Variants in LRRTM4 observed in about 807,000 individuals in gnomAD.
The protein encoded by LRRTM4 is leucine rich repeat transmembrane neuronal 4.
Under a neutral mutation model 47.6 loss-of-function variants are expected in LRRTM4, and 25 were observed. That is an observed-to-expected ratio of 0.53 (90% CI 0.38 to 0.73). The LOEUF is 0.73. Among genes scored for constraint, LRRTM4 ranks in the 30% least tolerant of loss-of-function variants. The pLI, the probability that LRRTM4 is intolerant of heterozygous loss-of-function variation, is 0.00. For missense variants in LRRTM4, 638 were observed against 713.4 expected, an observed-to-expected ratio of 0.89 and a Z score of 1.20; for synonymous variants, 311 against 269.5, an observed-to-expected ratio of 1.15 and a Z score of -1.51.
At chr2:77,350,000 T>C (rs1671699783) in intron 3 of LRRTM4, among the ~76,000 whole-genome samples, 1 of 152,066 alleles carries the variant, frequency 6.6e-6, no homozygotes, top group Non-Finnish European at 1.5e-5. Context: ...ACTTCAACTT[T>C]TTCACTCGTA....
chr2:76,936,227 G>C (rs1226037370), intron 3 of LRRTM4, among the ~76,000 whole-genome samples: 1 of 152,070 alleles, frequency 6.6e-6, no homozygotes, highest in African/African-American at 2.4e-5. Flanking sequence ...AGAAAATATG[G>C]TGCATATATA....
intron 3 of LRRTM4, among the ~76,000 whole-genome samples, chr2:77,029,082 A>ATATATATAATATATATATG (rs1678560820): frequency 6.9e-6 from 1 of 144,800 alleles, no homozygotes; most frequent in South Asian, 2.1e-4. Flanking sequence ...ATATATATAT[A>ATATATATAATATATATATG]TTATATATAT....
At chr2:77,208,670 G>T (rs749028827) in intron 3 of LRRTM4, among the ~76,000 whole-genome samples, 1 of 152,070 alleles carries the variant, frequency 6.6e-6, no homozygotes, top group Non-Finnish European at 1.5e-5. Context: ...TGAGTCAGGG[G>T]ACTTGGGGAA....
At chr2:76,899,262 T>C (rs1289998699) in intron 3 of LRRTM4, among the ~76,000 whole-genome samples, 1 of 150,366 alleles carries the variant, frequency 6.7e-6, no homozygotes, top group Non-Finnish European at 1.5e-5. Flanking sequence ...CAAAAACACC[T>C]GCCCTCATGA....
chr2:77,232,476 T>C (rs1300840205), intron 3 of LRRTM4, among the ~76,000 whole-genome samples: 1 of 152,230 alleles, frequency 6.6e-6, no homozygotes, highest in African/African-American at 2.4e-5. Flanking sequence ...TTTGCTAGAC[T>C]GGGCTTCTTA....
intron 3 of LRRTM4, among the ~76,000 whole-genome samples, chr2:76,859,955 C>T (rs955299442): frequency 3.6e-4 from 55 of 152,048 alleles, no homozygotes; most frequent in African/African-American, 1.4e-4. Context: ...ATTATAGCCC[C>T]TAGAATGCAT....
intron 3 of LRRTM4, among the ~76,000 whole-genome samples, chr2:77,185,181 G>A (rs559587564): frequency 2.6e-5 from 4 of 152,242 alleles, no homozygotes; most frequent in South Asian, 2.1e-4. Flanking sequence ...CAGCTCAGCT[G>A]CAGCAAGCTT....
chr2:77,338,762 T>C (rs1462050956), intron 3 of LRRTM4, among the ~76,000 whole-genome samples: 1 of 151,830 alleles, frequency 6.6e-6, no homozygotes, highest in Non-Finnish European at 1.5e-5. Context: ...TATACCCAAA[T>C]GAAAATAAAT....
intron 3 of LRRTM4, among the ~76,000 whole-genome samples, chr2:76,844,438 A>G (rs377518219): frequency 6.6e-6 from 1 of 152,170 alleles, no homozygotes; most frequent in East Asian, 1.9e-4. Context: ...CCTGGCCTCA[A>G]TAATTGCTTT....
intron 3 of LRRTM4, among the ~76,000 whole-genome samples, chr2:77,291,938 T>C (rs904299803): frequency 2.0e-5 from 3 of 151,774 alleles, no homozygotes; most frequent in East Asian, 3.9e-4. Context: ...ATTTTCGCAA[T>C]CTACTCATCT....
intron 3 of LRRTM4, among the ~76,000 whole-genome samples, chr2:76,912,812 C>T (rs1674116648): frequency 6.6e-6 from 1 of 152,182 alleles, no homozygotes; most frequent in Non-Finnish European, 1.5e-5. Context: ...ACCTCCCCCA[C>T]TCTCATCCTC....
intron 3 of LRRTM4, among the ~76,000 whole-genome samples, chr2:77,075,901 C>T (rs575092049): frequency 6.4e-4 from 51 of 79,896 alleles, no homozygotes; most frequent in African/African-American, 2.8e-3. Context: ...GGCGACAGAG[C>T]GAGACTCCGT....
At chr2:76,899,613 T>C (rs978768775) in intron 3 of LRRTM4, among the ~76,000 whole-genome samples, 2 of 152,080 alleles carry the variant, frequency 1.3e-5, no homozygotes, top group African/African-American at 4.8e-5. Context: ...GTAAGGAAGT[T>C]AGTGTAGCTG....
intron 3 of LRRTM4, among the ~76,000 whole-genome samples, chr2:77,507,456 T>C (rs1394134609): frequency 6.6e-6 from 1 of 152,052 alleles, no homozygotes; most frequent in Non-Finnish European, 1.5e-5. Context: ...GGGCAACACA[T>C]TGGAATGCTG....
chr2:77,171,301 G>A (rs975574851), intron 3 of LRRTM4, among the ~76,000 whole-genome samples: 3 of 151,950 alleles, frequency 2.0e-5, no homozygotes, highest in African/African-American at 7.2e-5. Context: ...TTTTGAGATG[G>A]AGTCTACCTC....
chr2:77,311,436 G>T (rs184155818), intron 3 of LRRTM4, among the ~76,000 whole-genome samples: 8 of 152,112 alleles, frequency 5.3e-5, no homozygotes, highest in African/African-American at 1.9e-4. Flanking sequence ...TCAGGAGTGG[G>T]AACACAACAT....
chr2:77,475,256 C>T (rs1677343092), intron 3 of LRRTM4, among the ~76,000 whole-genome samples: 1 of 152,050 alleles, frequency 6.6e-6, no homozygotes, highest in Non-Finnish European at 1.5e-5. Context: ...TCAGTTCATT[C>T]ATATGCAACC....
intron 3 of LRRTM4, among the ~76,000 whole-genome samples, chr2:77,123,429 A>C (rs1046412242): frequency 6.6e-6 from 1 of 152,078 alleles, no homozygotes; most frequent in Non-Finnish European, 1.5e-5. Flanking sequence ...AGAAAACTAA[A>C]TGACAATGTT....
Position 76,795,579 on chromosome 2 carries a change from G to GCACA in LRRTM4, c.1552-46667_1552-46664dup, listed in dbSNP as rs753196049. 4.2e-3 allele frequency among the ~76,000 whole-genome samples: 390 copies of GCACA among 91,956 alleles called. 4 individuals carry two copies. The highest frequency in any genetic ancestry group is 0.021 in the African/African-American group (373 of 17,542). The allele number at this position is 91,956 out of a possible 152,430, so 60.3% of individuals were successfully genotyped here. ...TGCATATATACATGTGCATATATAT[G>GCACA]CACACACACACATACACACACACTA... On this transcript the variant is annotated intron_variant, in intron 3 of 3. Transcript: ENST00000409884.
Sources: allele counts gnomAD v4.1 joint callset (sites outside exome capture counted in the v4.1 genomes callset), GRCh38; gene constraint gnomAD v4.1.1; transcripts MANE v1.5; gene names NCBI Gene and HGNC (gene_info 2026-07-23, HGNC 2026-07-21).